The following MAP3K2 variants were observed in gnomAD, a reference collection of about 807,000 sequenced individuals.
MAP3K2 encodes mitogen-activated protein kinase kinase kinase 2, also known as MAP/ERK kinase kinase 2.
Under a neutral mutation model 80.3 loss-of-function variants are expected in MAP3K2, and 24 were observed. That is an observed-to-expected ratio of 0.30 (90% confidence interval 0.22 to 0.42). The LOEUF (loss-of-function observed/expected upper bound fraction) is 0.42, where lower values mean the gene tolerates loss of function less well. Ranked by LOEUF, MAP3K2 falls within the 10% of genes least tolerant of loss-of-function variation. The pLI is 1.00. For missense variants in MAP3K2, 608 were observed against 750.1 expected, an observed-to-expected ratio of 0.81 and a Z score of 2.21; for synonymous variants, 244 against 253.7, an observed-to-expected ratio of 0.96 and a Z score of 0.36.
intron 1 of MAP3K2, among the ~76,000 whole-genome samples, chr2:127,374,287 C>T (rs939406919): frequency 2.6e-5 from 4 of 152,258 alleles, no homozygotes; most frequent in Admixed American, 6.5e-5. Context: ...ACTTTTTCTC[C>T]GACTTCAGCA....
chr2:127,326,602 C>T (rs1435288415), intron 8 of MAP3K2, 85 bp downstream of exon 8: 1 of 957,092 alleles, frequency 1.0e-6, no homozygotes, highest in East Asian at 2.9e-5. Context: ...AGATAATACA[C>T]ACACACACCC....
intron 5 of MAP3K2, 46 bp from the exon 6 acceptor site, chr2:127,330,551 G>T: frequency 1.1e-6 from 1 of 879,580 alleles, no homozygotes; most frequent in Non-Finnish European, 1.8e-6. Flanking sequence ...ACCAGGTCAA[G>T]TTCTTCCATG....
Position 127,305,723 on chromosome 2 carries a change from T to C in MAP3K2, c.*1856A>G, listed in dbSNP as rs1414583357. The stretch of plus-strand genomic sequence containing the variant: ...TACTAATAAAGTACTTAGCACTTGC[T>C]TTAACATGCTGAAAAAAACTGCAAG... On this transcript the variant is annotated 3_prime_UTR_variant, in exon 17 of 17. Coordinates refer to ENST00000682094, the MANE Select transcript of MAP3K2 (RefSeq NM_001371910.2). 1 of 152,184 alleles carries C rather than the reference T, an allele frequency of 6.6e-6. No homozygotes were observed. Among genetic ancestry groups the C allele is most frequent in the East Asian group, 1.9e-4 (1 of 5,198 alleles). The allele number at this position is 152,184 out of a possible 1,614,324, so 9.4% of individuals were successfully genotyped here. A position where few individuals can be genotyped will look rare whatever the true frequency, so the allele number is the denominator to read the frequency against.
In MAP3K2 at chr2:127,301,983, AAC is replaced by A. The variant is rs1333673912; in HGVS notation, c.*5594_*5595del. ...CAGAAGTCAAAGCCAAGCCAAAGAC[AAC>A]TATAAGTAGGAATAGCTGCTTCACA... On this transcript the variant is annotated 3_prime_UTR_variant, in exon 17 of 17. Transcript: ENST00000682094. 6.6e-6 allele frequency: 1 copy of A among 152,176 alleles called. No homozygotes were observed. Among genetic ancestry groups the A allele is most frequent in the Admixed American group, 6.5e-5 (1 of 15,272 alleles). 9.4% of individuals were successfully genotyped at this position (152,176 alleles called of 1,614,324 possible).
chr2:127,317,676 C>T lies in MAP3K2; in HGVS notation c.1279G>A (p.Asp427Asn). 6.3e-7 allele frequency: 1 copy of T among 1,590,390 alleles called. No individual in the cohort carries two copies. The highest frequency in any genetic ancestry group is 1.1e-5 in the South Asian group (1 of 87,530). ...ATGGAAAGTGTTTTTTCCTGGGGAT[C>T]CCTCAAACAGCCATAATACTGAACA... ...RIVQYYGCLR[D>N]PQEKTLSIFM... is the part of the protein sequence containing the mutation. The change falls in exon 14 of 17, where the codon GAT (aspartate) becomes AAT (asparagine). Residue 427 changes from aspartate (D) to asparagine (N), a missense_variant. Transcript: ENST00000682094.
At chr2:127,355,733 G>A (rs563431076) in intron 1 of MAP3K2, among the ~76,000 whole-genome samples, 66 of 152,174 alleles carry the variant, frequency 4.3e-4, no homozygotes, top group Non-Finnish European at 7.2e-4. Context: ...TAAGTTTGCC[G>A]TGTCAATTGA....
At chr2:127,346,075 T>TAACA (rs1686590129) in intron 1 of MAP3K2, among the ~76,000 whole-genome samples, 1 of 148,176 alleles carries the variant, frequency 6.7e-6, no homozygotes, top group East Asian at 2.0e-4. Flanking sequence ...TCAACAAAAC[T>TAACA]AACAAACTTT....
At chr2:127,373,560 C>T (rs763594165) in intron 1 of MAP3K2, among the ~76,000 whole-genome samples, 4 of 152,192 alleles carry the variant, frequency 2.6e-5, no homozygotes, top group Admixed American at 6.5e-5. Flanking sequence ...GTATTTAACT[C>T]CTACGGCACA....
intron 15 of MAP3K2, among the ~76,000 whole-genome samples, chr2:127,313,456 T>C (rs2104809468): frequency 6.6e-6 from 1 of 152,320 alleles, no homozygotes; most frequent in Middle Eastern, 3.4e-3. Context: ...GCTTAGGCAT[T>C]CTGCATTCTA....
chr2:127,359,268 T>C (rs1460469607), intron 1 of MAP3K2, among the ~76,000 whole-genome samples: 5 of 152,184 alleles, frequency 3.3e-5, no homozygotes, highest in African/African-American at 9.7e-5. Flanking sequence ...TAACGCAAGA[T>C]GTTAATAACA....
At chr2:127,336,426 AC>A (rs1333384658) in intron 4 of MAP3K2, among the ~76,000 whole-genome samples, 2 of 152,222 alleles carry the variant, frequency 1.3e-5, no homozygotes, top group African/African-American at 4.8e-5. Flanking sequence ...ATGTAGGCAT[AC>A]TTCCAAAATA....
chr2:127,328,231 C>T (rs1202970150), intron 7 of MAP3K2, among the ~76,000 whole-genome samples: 2 of 152,056 alleles, frequency 1.3e-5, no homozygotes, highest in Non-Finnish European at 2.9e-5. Flanking sequence ...GCTGAGACCG[C>T]GCCACTGTAC....
At chr2:127,372,920 G>A (rs1687091262) in intron 1 of MAP3K2, among the ~76,000 whole-genome samples, 1 of 152,194 alleles carries the variant, frequency 6.6e-6, no homozygotes. Context: ...TGCTATCAAT[G>A]CTAATTTGCA....
chr2:127,329,880 G>T, intron 7 of MAP3K2, 41 bp downstream of exon 7: 1 of 1,130,840 alleles, frequency 8.8e-7, no homozygotes, highest in Non-Finnish European at 1.3e-6. Flanking sequence ...AGAAGAAATT[G>T]AGAAATCATT....
chr2:127,387,916 T>C lies in MAP3K2; in HGVS notation c.-530A>G, dbSNP rs1442528139. ...GCTGCGCCCAGCGGCCGCGGCACCC[T>C]CGTCAGGCGCCGCCGCTGAGGGCAG... On this transcript the variant is annotated 5_prime_UTR_variant, in exon 1 of 17. Transcript: ENST00000682094. 3 of 981,630 alleles carry C rather than the reference T, an allele frequency of 3.1e-6. No homozygotes were observed. The African/African-American group carries it at 5.3e-5, about 17-fold the overall frequency. The allele number at this position is 981,630 out of a possible 1,614,324, so 60.8% of individuals were successfully genotyped here.
At position 127,364,277 on chromosome 2, in the gene MAP3K2, C is replaced by CAAAT. The variant is rs531355905; in HGVS notation, c.-65-21087_-65-21084dup. Among the ~76,000 whole-genome samples, 5 of 152,208 alleles carry CAAAT rather than the reference C, an allele frequency of 3.3e-5. No individual in the cohort carries two copies. Among genetic ancestry groups the CAAAT allele is most frequent in the Non-Finnish European group, 7.4e-5 (5 of 68,022 alleles). On this transcript the variant is annotated intron_variant, in intron 1 of 16. Coordinates refer to ENST00000682094, the MANE Select transcript of MAP3K2 (RefSeq NM_001371910.2). The surrounding 1 kb of genome is among the most constrained non-coding windows in gnomAD (Gnocchi z 4.1). ...AAACCATTCGGATAACCAAAAGAAG[C>CAAAT]AAATAGATAATCAAAAAAAGCAAAG...
chr2:127,360,788 A>T (rs1444101157), intron 1 of MAP3K2, among the ~76,000 whole-genome samples: 1 of 152,184 alleles, frequency 6.6e-6, no homozygotes, highest in Non-Finnish European at 1.5e-5. Context: ...CTGAGTTTTT[A>T]AAAAATGAAG....
chr2:127,363,661 T>C (rs1468429032), intron 1 of MAP3K2, among the ~76,000 whole-genome samples: 2 of 152,216 alleles, frequency 1.3e-5, no homozygotes, highest in Non-Finnish European at 2.9e-5. Flanking sequence ...ATGTTATTTG[T>C]GTAGCTGGCT....
intron 1 of MAP3K2, among the ~76,000 whole-genome samples, chr2:127,378,365 C>A (rs1014857255): frequency 3.9e-5 from 6 of 152,212 alleles, no homozygotes; most frequent in African/African-American, 1.4e-4. Context: ...CCTTAACAAA[C>A]TAATTTGGCA....
Sources: allele counts gnomAD v4.1 joint callset (sites outside exome capture counted in the v4.1 genomes callset), GRCh38; gene constraint gnomAD v4.1.1; non-coding constraint Gnocchi (gnomAD v3.1); transcripts MANE v1.5; gene names NCBI Gene and HGNC (gene_info 2026-07-23, HGNC 2026-07-21).